The following OSBPL10 variants were observed in gnomAD, a reference collection of about 807,000 sequenced individuals.
OSBPL10 encodes oxysterol binding protein like 10, also known as oxysterol-binding protein-related protein 10.
In OSBPL10, 49 loss-of-function variants were observed where a neutral mutation model predicts 81.7. The observed-to-expected ratio is 0.60, with a 90% CI of 0.48 to 0.76. The LOEUF (loss-of-function observed/expected upper bound fraction) is 0.76, where lower values mean the gene tolerates loss of function less well. OSBPL10 is among the 30% of genes least tolerant of loss of function. The pLI is 0.00. For synonymous variants in OSBPL10, 419 were observed against 383.6 expected (o/e 1.09, Z -1.08); for missense variants, 923 against 987.8 (o/e 0.93, Z 0.88).
At chr3:31,990,136 C>A in intron 2 of OSBPL10, 1 of 1,611,568 alleles carries the variant, frequency 6.2e-7, no homozygotes, top group Non-Finnish European at 8.5e-7. Flanking sequence ...GGCTTTCAGG[C>A]GTGATTCACA....
chr3:31,699,469 C>CACCAGT (rs1695828360), intron 7 of OSBPL10, among the ~76,000 whole-genome samples: 1 of 152,200 alleles, frequency 6.6e-6, no homozygotes, highest in African/African-American at 2.4e-5. Flanking sequence ...TGGAGGTAGT[C>CACCAGT]ACCAGTAACT....
intron 4 of OSBPL10, among the ~76,000 whole-genome samples, chr3:31,817,553 T>TGCACCC (rs146600462): frequency 1.6e-3 from 24 of 15,062 alleles, no homozygotes; most frequent in African/African-American, 3.4e-3. Context: ...CGGCTGCAGC[T>TGCACCC]GCACCCACAC....
chr3:31,854,950 T>C (rs1003630868), intron 3 of OSBPL10, among the ~76,000 whole-genome samples: 1 of 152,222 alleles, frequency 6.6e-6, no homozygotes, highest in Non-Finnish European at 1.5e-5. Context: ...ATTAATTCCA[T>C]GTCAGTGTAA....
intron 2 of OSBPL10, among the ~76,000 whole-genome samples, chr3:32,002,237 G>A (rs1699156446): frequency 6.6e-6 from 1 of 152,052 alleles, no homozygotes; most frequent in Admixed American, 6.6e-5. Context: ...ATGAATTGCT[G>A]TCCACTCAAC....
chr3:31,870,435 G>A (rs577257917), intron 3 of OSBPL10, among the ~76,000 whole-genome samples: 10 of 152,306 alleles, frequency 6.6e-5, no homozygotes, highest in African/African-American at 2.2e-4. Context: ...GAGCCTCCCC[G>A]ACGAGCGCCG....
At chr3:31,741,099 T>A (rs1453784187) in intron 5 of OSBPL10, among the ~76,000 whole-genome samples, 1 of 152,168 alleles carries the variant, frequency 6.6e-6, no homozygotes, top group Non-Finnish European at 1.5e-5. Context: ...CTGCAAGGTC[T>A]TTCCTCTTCC....
At chr3:31,723,572 C>A (rs76592026) in intron 6 of OSBPL10, among the ~76,000 whole-genome samples, 69 of 146,732 alleles carry the variant, frequency 4.7e-4, no homozygotes, top group African/African-American at 1.4e-3. Context: ...ACACACACAC[C>A]CCTTTCCCTC....
chr3:31,805,574 A>G (rs1699499648), intron 4 of OSBPL10, among the ~76,000 whole-genome samples: 3 of 152,250 alleles, frequency 2.0e-5, no homozygotes. Context: ...AGCACGCACT[A>G]CTAACAAATT....
intron 4 of OSBPL10, among the ~76,000 whole-genome samples, chr3:31,780,699 G>A (rs1194086928): frequency 6.6e-6 from 1 of 152,046 alleles, no homozygotes; most frequent in Non-Finnish European, 1.5e-5. Flanking sequence ...GCACAAACTA[G>A]AAAATCTAGA....
intron 8 of OSBPL10, among the ~76,000 whole-genome samples, chr3:31,676,355 A>T (rs529130298): frequency 2.6e-5 from 4 of 152,116 alleles, no homozygotes; most frequent in African/African-American, 9.6e-5. Flanking sequence ...GATCACAAAT[A>T]TAAGTTACTT....
chr3:31,921,984 A>G (rs1696931413), intron 1 of OSBPL10, among the ~76,000 whole-genome samples: 1 of 152,198 alleles, frequency 6.6e-6, no homozygotes, highest in South Asian at 2.1e-4. Flanking sequence ...ACAAATTCCA[A>G]TAAGGACTAT....
chr3:31,873,864 C>T lies in OSBPL10; in HGVS notation c.537+2569G>A, dbSNP rs149450494. Among the ~76,000 whole-genome samples the T allele has an allele frequency of 3.0e-3, 460 of 152,270 alleles. 5 individuals carry two copies. Among genetic ancestry groups the T allele is most frequent in the African/African-American group, 0.01 (434 of 41,554 alleles). ...TTAAGCAGCCTTGAATTTGGTAATGCTGTCACTGAATAATAAGGTCTGTTC... is the reference window on the plus strand; with the variant it reads ...TTAAGCAGCCTTGAATTTGGTAATGTTGTCACTGAATAATAAGGTCTGTTC... On this transcript the variant is annotated intron_variant, in intron 3 of 11. Coordinates refer to ENST00000396556, the MANE Select transcript of OSBPL10 (RefSeq NM_017784.5).
At chr3:32,031,414 T>C in intron 2 of OSBPL10, among the ~76,000 whole-genome samples, 1 of 152,168 alleles carries the variant, frequency 6.6e-6, no homozygotes, top group East Asian at 1.9e-4. Context: ...CTTGCAACAA[T>C]ATTTTTAGAT....
rs531656210 is a variant in OSBPL10 at position 31,897,317 on chromosome 3, C to A, written c.282-17487G>T. ...AGAAGAGCAGAGTGTGGTGGAAAAA[C>A]GAACTGGTGAGCTGGAAGATTAATC... On this transcript the variant is annotated intron_variant, in intron 1 of 11. Coordinates refer to ENST00000396556, the MANE Select transcript of OSBPL10 (RefSeq NM_017784.5). Among the ~76,000 whole-genome samples, 4 of 152,204 alleles carry A rather than the reference C, an allele frequency of 2.6e-5. No homozygotes were observed. The East Asian group carries it at 7.7e-4, about 29-fold the overall frequency.
At chr3:31,968,729 A>G (rs1013694736) in intron 1 of OSBPL10, among the ~76,000 whole-genome samples, 1 of 152,206 alleles carries the variant, frequency 6.6e-6, no homozygotes, top group Non-Finnish European at 1.5e-5. Context: ...AATCATGTAA[A>G]CTGATCTTTG....
At chr3:31,982,379 CA>C (rs1241948348), upstream of OSBPL10, among the ~76,000 whole-genome samples, 1 of 152,064 alleles carries the variant, frequency 6.6e-6, no homozygotes, top group African/African-American at 2.4e-5. Context: ...ACAGACAAAA[CA>C]AAAGGTGATA....
intron 2 of OSBPL10, among the ~76,000 whole-genome samples, chr3:32,006,079 C>T (rs774371967): frequency 2.0e-5 from 3 of 151,754 alleles, no homozygotes; most frequent in Admixed American, 6.6e-5. Context: ...CAAGTAGCTG[C>T]GATTACAGAT....
At chr3:31,703,505 G>A (rs999096512) in intron 6 of OSBPL10, 5 of 152,072 alleles carry the variant, frequency 3.3e-5, no homozygotes, top group South Asian at 2.1e-4. Flanking sequence ...TGCAAAAAAC[G>A]AACAATTTAC....
intron 3 of OSBPL10, among the ~76,000 whole-genome samples, chr3:31,841,156 C>T (rs1700485024): frequency 1.3e-5 from 2 of 152,242 alleles, no homozygotes; most frequent in African/African-American, 4.8e-5. Flanking sequence ...GATCCACCGC[C>T]TCGGCCTCCC....
Sources: allele counts gnomAD v4.1 joint callset (sites outside exome capture counted in the v4.1 genomes callset), GRCh38; gene constraint gnomAD v4.1.1; transcripts MANE v1.5; gene names NCBI Gene and HGNC (gene_info 2026-07-23, HGNC 2026-07-21).